The following SORCS3 variants were observed in gnomAD, a reference collection of about 807,000 sequenced individuals.
SORCS3 encodes the protein VPS10 domain-containing receptor SorCS3.
Under a neutral mutation model 146.3 loss-of-function variants are expected in SORCS3, and 57 were observed. That is an observed-to-expected ratio of 0.39 (90% CI 0.31 to 0.49). The LOEUF is 0.49. SORCS3 is among the 20% of genes least tolerant of loss of function. SORCS3 has a pLI of 0.92. For missense variants in SORCS3, 1,341 were observed against 1,575.5 expected, an observed-to-expected ratio of 0.85 and a Z score of 2.52; for synonymous variants, 653 against 618.5, an observed-to-expected ratio of 1.06 and a Z score of -0.83.
intron 2 of SORCS3, among the ~76,000 whole-genome samples, chr10:104,865,841 G>A (rs191668209): frequency 3.3e-5 from 5 of 152,338 alleles, no homozygotes; most frequent in Non-Finnish European, 5.9e-5. Context: ...ACAGGCTTGG[G>A]GGTGGGAGGC....
intron 1 of SORCS3, among the ~76,000 whole-genome samples, chr10:104,838,981 A>G (rs1008622942): frequency 6.6e-6 from 1 of 152,192 alleles, no homozygotes; most frequent in African/African-American, 2.4e-5. Context: ...CTTAACCTTG[A>G]GTCATGTTCC....
chr10:105,024,408 G>C (rs2055214756), intron 4 of SORCS3, among the ~76,000 whole-genome samples: 1 of 152,180 alleles, frequency 6.6e-6, no homozygotes, highest in Non-Finnish European at 1.5e-5. Flanking sequence ...TTGGAGAGGT[G>C]TGGGGTCACT....
chr10:105,164,931 CACTT>C (rs1044703215), intron 12 of SORCS3, among the ~76,000 whole-genome samples: 6 of 152,166 alleles, frequency 3.9e-5, no homozygotes, highest in African/African-American at 1.4e-4. Flanking sequence ...GTTTTACAAA[CACTT>C]ACAGCAATGC....
At chr10:104,654,399 G>A (rs1163399073) in intron 1 of SORCS3, among the ~76,000 whole-genome samples, 2 of 152,254 alleles carry the variant, frequency 1.3e-5, no homozygotes, top group East Asian at 3.9e-4. Context: ...CATAGTAGTT[G>A]CACTAATTTA....
chr10:105,242,887 TA>T (rs1205957486), intron 20 of SORCS3, among the ~76,000 whole-genome samples: 11 of 108,084 alleles, frequency 1.0e-4, no homozygotes, highest in East Asian at 5.0e-4. Flanking sequence ...AAATTATATA[TA>T]ATATATGATA....
chr10:105,068,888 T>G (rs2055538790), intron 5 of SORCS3, among the ~76,000 whole-genome samples: 1 of 152,208 alleles, frequency 6.6e-6, no homozygotes, highest in Non-Finnish European at 1.5e-5. Flanking sequence ...CCTTTATAGA[T>G]CATAAAGAGA....
intron 1 of SORCS3, among the ~76,000 whole-genome samples, chr10:104,732,589 C>A (rs2133453834): frequency 6.6e-6 from 1 of 152,236 alleles, no homozygotes; most frequent in East Asian, 1.9e-4. Flanking sequence ...AGATGAACTC[C>A]CATGTCAGTC....
intron 5 of SORCS3, among the ~76,000 whole-genome samples, chr10:105,085,665 A>G (rs144121332): frequency 8.5e-5 from 13 of 152,236 alleles, no homozygotes; most frequent in Non-Finnish European, 1.3e-4. Flanking sequence ...AAGGCACCCT[A>G]TGGGCTTGTA....
At chr10:104,772,382 G>C (rs1043936745) in intron 1 of SORCS3, among the ~76,000 whole-genome samples, 6 of 152,156 alleles carry the variant, frequency 3.9e-5, no homozygotes, top group African/African-American at 7.2e-5. Context: ...TTGATCCTAG[G>C]GGCCAGCTTC....
chr10:105,027,536 A>G (rs1296032373), intron 4 of SORCS3, among the ~76,000 whole-genome samples: 2 of 152,180 alleles, frequency 1.3e-5, no homozygotes, highest in Non-Finnish European at 2.9e-5. Flanking sequence ...TACCTGCTGC[A>G]GTTTATTTGT....
intron 4 of SORCS3, among the ~76,000 whole-genome samples, chr10:105,006,618 C>T (rs1270848127): frequency 6.6e-6 from 1 of 152,182 alleles, no homozygotes; most frequent in African/African-American, 2.4e-5. Context: ...TTCCACTTCT[C>T]TCTGCCATTG....
At chr10:105,082,015 C>T (rs968947876) in intron 5 of SORCS3, among the ~76,000 whole-genome samples, 6 of 152,178 alleles carry the variant, frequency 3.9e-5, no homozygotes, top group African/African-American at 1.2e-4. Context: ...TATAACCGTT[C>T]ATTCAACAAA....
chr10:104,824,360 G>A (rs944695003), intron 1 of SORCS3, among the ~76,000 whole-genome samples: 2 of 151,976 alleles, frequency 1.3e-5, no homozygotes, highest in East Asian at 1.9e-4. Context: ...AATTTTTTTT[G>A]CAGGAAGTTG....
intron 1 of SORCS3, among the ~76,000 whole-genome samples, chr10:104,710,708 T>G (rs1472522610): frequency 7.0e-6 from 1 of 143,528 alleles, no homozygotes; most frequent in African/African-American, 2.6e-5. Context: ...TGTCCTGAAC[T>G]GAATATTCTG....
chr10:105,251,199 C>T (rs182426925), intron 22 of SORCS3, among the ~76,000 whole-genome samples: 65 of 152,246 alleles, frequency 4.3e-4, no homozygotes, highest in South Asian at 3.5e-3. Flanking sequence ...ACAATCATGG[C>T]GGAAGGCACC....
At chr10:105,116,931 G>C (rs2055897671) in intron 7 of SORCS3, among the ~76,000 whole-genome samples, 1 of 151,940 alleles carries the variant, frequency 6.6e-6, no homozygotes, top group South Asian at 2.1e-4. Context: ...CTATCTATTA[G>C]GTACTATACT....
chr10:105,166,362 G>T (rs1233876607), intron 12 of SORCS3, among the ~76,000 whole-genome samples: 1 of 152,092 alleles, frequency 6.6e-6, no homozygotes, highest in East Asian at 1.9e-4. Context: ...AGTGCTGTAG[G>T]AATTCTCCAA....
At chr10:105,225,508 G>A (rs2056729151) in intron 20 of SORCS3, among the ~76,000 whole-genome samples, 1 of 151,816 alleles carries the variant, frequency 6.6e-6, no homozygotes, top group African/African-American at 2.4e-5. Flanking sequence ...TCTTGAAGTT[G>A]AGTAGAGTCA....
At chr10:104,809,561 G>A (rs1185053123) in intron 1 of SORCS3, among the ~76,000 whole-genome samples, 4 of 152,176 alleles carry the variant, frequency 2.6e-5, no homozygotes, top group Non-Finnish European at 5.9e-5. Flanking sequence ...TTTAAAGCCT[G>A]GGGTGATTGA....
Sources: allele counts gnomAD v4.1 joint callset (sites outside exome capture counted in the v4.1 genomes callset), GRCh38; gene constraint gnomAD v4.1.1; transcripts MANE v1.5; gene names NCBI Gene and HGNC (gene_info 2026-07-23, HGNC 2026-07-21).